UFM1: variants seen among roughly 807,000 people sequenced by gnomAD.
UFM1 encodes ubiquitin-fold modifier 1.
UFM1 carries 9 observed loss-of-function variants against 15.4 expected under a neutral mutation model. The ratio of observed to expected loss-of-function variants is 0.59; its 90% CI spans 0.35 to 1.02. The LOEUF is 1.02. Ranked by LOEUF, UFM1 falls within the 50% of genes least tolerant of loss-of-function variation. The probability of loss-of-function intolerance (pLI) is 0.02; values close to 1 mark genes in which losing one functional copy is unlikely to be tolerated. For synonymous variants in UFM1, 27 were observed against 36.3 expected, an observed-to-expected ratio of 0.74 and a Z score of 0.92; for missense variants, 98 against 104.7, an observed-to-expected ratio of 0.94 and a Z score of 0.28.
chr13:38,350,299 T>A, intron 2 of UFM1: 1 of 1,454,042 alleles, frequency 6.9e-7, no homozygotes, highest in Non-Finnish European at 9.4e-7. Flanking sequence ...TGTTTCTGAT[T>A]AGTGACCTCC....
chr13:38,362,947 A>G lies in UFM1; in HGVS notation c.*2169A>G, dbSNP rs1304714857. 6.6e-6 allele frequency: 1 copy of G among 152,196 alleles called. No individual in the cohort carries two copies. Among genetic ancestry groups the G allele is most frequent in the Non-Finnish European group, 1.5e-5 (1 of 68,034 alleles). 9.4% of individuals were successfully genotyped at this position (152,196 alleles called of 1,614,324 possible). ...ATTTGAAGTATTGTATTCAGTTTAC[A>G]TGCGTTATTGGTTTATAATTAATAT... On this transcript the variant is annotated 3_prime_UTR_variant, in exon 6 of 6. Transcript: ENST00000239878.
chr13:38,358,639 T>C (rs1193826057), intron 4 of UFM1, among the ~76,000 whole-genome samples: 1 of 151,936 alleles, frequency 6.6e-6, no homozygotes, highest in Non-Finnish European at 1.5e-5. Context: ...AATAATAAGA[T>C]GAGGAGTAAA....
intron 2 of UFM1, 38 bp downstream of exon 2, chr13:38,350,093 A>G (rs1005123648): frequency 6.2e-7 from 1 of 1,614,216 alleles, no homozygotes; most frequent in African/African-American, 1.3e-5. Context: ...TTGGGGCCGG[A>G]CAAGACGGGG....
intron 3 of UFM1, 127 bp downstream of exon 3, chr13:38,354,423 A>T (rs1389662945): frequency 4.6e-6 from 3 of 651,540 alleles, no homozygotes; most frequent in Non-Finnish European, 4.8e-6. Context: ...TTATGTTATC[A>T]AAAAGTAGGA....
Position 38,361,989 on chromosome 13 carries a change from T to G in UFM1, c.*1211T>G, listed in dbSNP as rs1879417804. 6.6e-6 allele frequency: 1 copy of G among 152,164 alleles called. No individual in the cohort carries two copies. The highest frequency in any genetic ancestry group is 6.5e-5 in the Admixed American group (1 of 15,278). 9.4% of individuals were successfully genotyped at this position (152,164 alleles called of 1,614,324 possible). The stretch of plus-strand genomic sequence containing the variant: ...GACTTCAAAATACCCCTTATGAGAA[T>G]CCAAAGAATGATGTGTGTAAGGGAA... On this transcript the variant is annotated 3_prime_UTR_variant, in exon 6 of 6. Coordinates refer to ENST00000239878, the MANE Select transcript of UFM1 (RefSeq NM_016617.4).
rs1879455356 is a variant in UFM1 at position 38,362,471 on chromosome 13, T to G, written c.*1693T>G. ...TTTATTTTTATTTATTTGTTTTGTT[T>G]TTTTTTTTTTGAGGCAGACTCTCTG... is the stretch of plus-strand genomic sequence containing the variant. On this transcript the variant is annotated 3_prime_UTR_variant, in exon 6 of 6. Transcript: ENST00000239878. 1 of 150,884 alleles carries G rather than the reference T, an allele frequency of 6.6e-6. No homozygotes were observed. The highest frequency in any genetic ancestry group is 2.4e-5 in the African/African-American group (1 of 41,260). 9.3% of individuals were successfully genotyped at this position (150,884 alleles called of 1,614,324 possible).
intron 2 of UFM1, among the ~76,000 whole-genome samples, chr13:38,352,102 C>CTTTTTTTTTT (rs35879418): frequency 1.9e-5 from 2 of 105,346 alleles, no homozygotes; most frequent in East Asian, 2.8e-4. Context: ...TTCTTTCTTT[C>CTTTTTTTTTT]TTTTTTTTTT....
intron 2 of UFM1, among the ~76,000 whole-genome samples, chr13:38,350,733 T>C (rs1398491790): frequency 1.3e-5 from 2 of 152,190 alleles, no homozygotes; most frequent in South Asian, 2.1e-4. Flanking sequence ...CAGTTGGAAG[T>C]AGCATGAAAT....
At position 38,354,226 on chromosome 13, in the gene UFM1, ATTC is replaced by A; in HGVS notation, c.60-7_60-5del. ...TGACTTTAAAAGAAACTGTTTTAAA[ATTC>A]TTCTTGCAGACTCAGTGTTCCTGAA... is the stretch of plus-strand genomic sequence containing the variant. On this transcript the variant is annotated splice_polypyrimidine_tract_variant and intron_variant, in intron 2 of 5. Transcript: ENST00000239878. The A allele has an allele frequency of 6.2e-7, 1 of 1,607,554 alleles. No individual in the cohort carries two copies. The highest frequency in any genetic ancestry group is 8.5e-7 in the Non-Finnish European group (1 of 1,175,946).
intron 2 of UFM1, 81 bp from the exon 3 acceptor site, chr13:38,354,158 C>A: frequency 7.5e-7 from 1 of 1,328,574 alleles, no homozygotes; most frequent in Non-Finnish European, 1.1e-6. Context: ...AGATTGGCTA[C>A]AGTAGTGGAA....
rs1040219232 is a variant in UFM1 at position 38,362,113 on chromosome 13, G to A, written c.*1335G>A. ...ATTCAGAATCAGTGCTTGACCTCCTGTATTCTGAATGGTGAACTCTGGAAG... is the reference window on the plus strand; with the variant it reads ...ATTCAGAATCAGTGCTTGACCTCCTATATTCTGAATGGTGAACTCTGGAAG... On this transcript the variant is annotated 3_prime_UTR_variant, in exon 6 of 6. Transcript: ENST00000239878. 3 of 152,168 alleles carry A rather than the reference G, an allele frequency of 2.0e-5. No individual in the cohort carries two copies. The highest frequency in any genetic ancestry group is 4.8e-5 in the African/African-American group (2 of 41,448). 9.4% of individuals were successfully genotyped at this position (152,168 alleles called of 1,614,324 possible). A position where few individuals can be genotyped will look rare whatever the true frequency, so the allele number is the denominator to read the frequency against.
At chr13:38,357,670 A>T (rs968366982) in intron 3 of UFM1, among the ~76,000 whole-genome samples, 4 of 151,994 alleles carry the variant, frequency 2.6e-5, no homozygotes, top group Non-Finnish European at 4.4e-5. Flanking sequence ...TGGAAGCCTT[A>T]CTGATAACAC....
At chr13:38,350,237 TGCTC>T (rs1878770731) in intron 2 of UFM1, 182 bp downstream of exon 2, 3 of 1,602,848 alleles carry the variant, frequency 1.9e-6, no homozygotes, top group Non-Finnish European at 2.6e-6. Context: ...GGTCCGTACT[TGCTC>T]GCTAAGTGTC....
intron 2 of UFM1, among the ~76,000 whole-genome samples, chr13:38,352,503 A>G (rs1381972353): frequency 2.0e-5 from 3 of 152,134 alleles, no homozygotes; most frequent in African/African-American, 7.2e-5. Context: ...TTTTGTTTAT[A>G]TATTTATTTA....
chr13:38,355,310 T>G (rs1879046267), intron 3 of UFM1, among the ~76,000 whole-genome samples: 1 of 152,002 alleles, frequency 6.6e-6, no homozygotes, highest in South Asian at 2.1e-4. Context: ...ACTAGTAGCA[T>G]TTGTTTTGTG....
chr13:38,351,659 A>G (rs901378086), intron 2 of UFM1, among the ~76,000 whole-genome samples: 6 of 152,112 alleles, frequency 3.9e-5, no homozygotes, highest in African/African-American at 1.4e-4. Context: ...TTCCCTTTCT[A>G]CTGGATTATT....
At chr13:38,350,475 G>C (rs987509348) in intron 2 of UFM1, among the ~76,000 whole-genome samples, 4 of 152,224 alleles carry the variant, frequency 2.6e-5, no homozygotes, top group African/African-American at 9.6e-5. Flanking sequence ...CATCTTGATA[G>C]TCAAGACTTT....
chr13:38,350,206 CCACCGGAGCCTGCGA>C (rs1049980285), intron 2 of UFM1, 151 bp downstream of exon 2: 2 of 1,612,332 alleles, frequency 1.2e-6, no homozygotes, highest in Admixed American at 3.3e-5. Context: ...GGAGCCTTTC[CCACCGGAGCCTGCGA>C]GGAGAGGTCC....
chr13:38,352,253 T>A (rs2485788), intron 2 of UFM1, among the ~76,000 whole-genome samples: 131,952 of 151,890 alleles, frequency 0.87, 59,393 homozygotes, highest in East Asian at 0.99. Flanking sequence ...GTGTGCCACC[T>A]TGCCCAGCTA....
Sources: allele counts gnomAD v4.1 joint callset (sites outside exome capture counted in the v4.1 genomes callset), GRCh38; gene constraint gnomAD v4.1.1; transcripts MANE v1.5; gene names NCBI Gene and HGNC (gene_info 2026-07-23, HGNC 2026-07-21).